The following MVB12B variants were observed in gnomAD, a reference collection of about 807,000 sequenced individuals.
MVB12B encodes the protein multivesicular body subunit 12B.
In MVB12B, 16 loss-of-function variants were observed where a neutral mutation model predicts 41.6. That is an observed-to-expected ratio of 0.38 (90% confidence interval 0.26 to 0.58). MVB12B has a LOEUF of 0.58. Among genes scored for constraint, MVB12B ranks in the 20% least tolerant of loss-of-function variants. The pLI is 0.62. For missense variants in MVB12B, 274 were observed against 380.2 expected (o/e 0.72, Z 2.32); for synonymous variants, 133 against 139.7 (o/e 0.95, Z 0.34).
At position 126,413,849 on chromosome 9, in the gene MVB12B, T is replaced by C. The variant is rs10760431; in HGVS notation, c.663-8005T>C. Among the ~76,000 whole-genome samples the C allele has an allele frequency of 3.4e-3, 510 of 148,594 alleles. 2 individuals carry two copies. Among genetic ancestry groups the C allele is most frequent in the African/African-American group, 0.01 (422 of 40,234 alleles). On this transcript the variant is annotated intron_variant, in intron 6 of 9. Transcript: ENST00000361171. The stretch of plus-strand genomic sequence containing the variant: ...GTGTGTGTGTGTGTGTGTGTGTGTG[T>C]GTGTATAAGGGTTGGGAGATCAAAG...
At position 126,392,422 on chromosome 9, in the gene MVB12B, C is replaced by T. The variant is rs1362196881; in HGVS notation, c.539+227C>T. ...GGGCCTTTCCTCCCCTGCCCTTCTG[C>T]GCATTCAGCCTTGAAGCTCCTCTGG... On this transcript the variant is annotated intron_variant, in intron 5 of 9. Transcript: ENST00000361171. This position sits in a 1 kb window ranked among gnomAD's most constrained non-coding sequence, Gnocchi z 4.8. Among the ~76,000 whole-genome samples, 2 of 152,226 alleles carry T rather than the reference C, an allele frequency of 1.3e-5. No homozygotes were observed. Among genetic ancestry groups the T allele is most frequent in the Admixed American group, 6.5e-5 (1 of 15,282 alleles).
intron 7 of MVB12B, among the ~76,000 whole-genome samples, chr9:126,441,033 C>A (rs1231727946): frequency 6.6e-6 from 1 of 152,230 alleles, no homozygotes; most frequent in African/African-American, 2.4e-5. Flanking sequence ...GCCAACTAGG[C>A]CTCGCTGGCT....
intron 7 of MVB12B, among the ~76,000 whole-genome samples, chr9:126,430,080 C>T (rs937597842): frequency 1.3e-4 from 20 of 152,198 alleles, no homozygotes; most frequent in Non-Finnish European, 2.8e-4. Flanking sequence ...GCTTTGGTGC[C>T]CAGCCCTTAC....
chr9:126,341,758 C>A (rs969449802), intron 2 of MVB12B, among the ~76,000 whole-genome samples: 1 of 152,216 alleles, frequency 6.6e-6, no homozygotes, highest in Admixed American at 6.5e-5. Flanking sequence ...TGTCCCTCCT[C>A]CCCCAGTGGT....
rs111524492 is a variant in MVB12B, at chr9:126,392,621, G to C, written c.539+426G>C. ...AGCTGATGTTCTAAAAGGGACAGAC[G>C]AGCAATAAACAAGAAAATAAATGAG... On this transcript the variant is annotated intron_variant, in intron 5 of 9. Coordinates refer to ENST00000361171, the MANE Select transcript of MVB12B (RefSeq NM_033446.3). The surrounding 1 kb of genome is among the most constrained non-coding windows in gnomAD (Gnocchi z 4.8). 2.0e-4 allele frequency among the ~76,000 whole-genome samples: 30 copies of C among 152,218 alleles called. No individual in the cohort carries two copies. The highest frequency in any genetic ancestry group is 7.2e-4 in the African/African-American group (30 of 41,460).
chr9:126,489,521 G>A (rs965562663), intron 9 of MVB12B, among the ~76,000 whole-genome samples: 1 of 152,240 alleles, frequency 6.6e-6, no homozygotes, highest in Admixed American at 6.5e-5. Flanking sequence ...CAGTGGATGC[G>A]CCATTGAGCA....
intron 2 of MVB12B, among the ~76,000 whole-genome samples, chr9:126,342,753 G>A (rs1201146858): frequency 6.6e-6 from 1 of 152,160 alleles, no homozygotes; most frequent in Admixed American, 6.5e-5. Context: ...CAAGGAAGGC[G>A]GGGAGGGCAT....
intron 7 of MVB12B, among the ~76,000 whole-genome samples, chr9:126,423,271 T>C (rs1292731603): frequency 6.6e-6 from 1 of 152,200 alleles, no homozygotes; most frequent in Non-Finnish European, 1.5e-5. Context: ...CCACAGCGTT[T>C]GGCTACACCC....
At chr9:126,482,718 C>T (rs907554833) in intron 8 of MVB12B, among the ~76,000 whole-genome samples, 4 of 152,236 alleles carry the variant, frequency 2.6e-5, no homozygotes, top group Non-Finnish European at 5.9e-5. Context: ...TCCGTGGCTA[C>T]CGGCAGAGCA....
intron 7 of MVB12B, among the ~76,000 whole-genome samples, chr9:126,433,376 G>A (rs956902122): frequency 1.4e-5 from 2 of 146,012 alleles, no homozygotes; most frequent in African/African-American, 5.6e-5. Context: ...CCTTCATAGT[G>A]GGGGCTGCAC....
intron 2 of MVB12B, among the ~76,000 whole-genome samples, chr9:126,366,060 T>TATTG: frequency 6.6e-6 from 1 of 152,096 alleles, no homozygotes; most frequent in Admixed American, 6.6e-5. Context: ...CATTGTGCTG[T>TATTG]CAATCTCTTC....
chr9:126,438,210 G>A (rs1041323379), intron 7 of MVB12B, among the ~76,000 whole-genome samples: 4 of 152,166 alleles, frequency 2.6e-5, no homozygotes, highest in African/African-American at 9.7e-5. Flanking sequence ...ACATGCTAAG[G>A]GAGGAGCCTT....
At chr9:126,423,619 A>T (rs553177935) in intron 7 of MVB12B, among the ~76,000 whole-genome samples, 1 of 152,208 alleles carries the variant, frequency 6.6e-6, no homozygotes. Flanking sequence ...AGTGGCTGCA[A>T]GCACCAAATT....
rs756508587 is a variant in MVB12B at position 126,395,650 on chromosome 9, G to A, written c.615G>A (p.Thr205=). ...ATCATGACTCATCTCAACCCACAAC[G>A]CCTTCCCAGTCATCAGCTGCCTCCA... ...PRNHDSSQPT[T]PSQSSAASTP... Residue 205 remains threonine (T), a synonymous_variant, in exon 6 of 10, where the codon ACG becomes ACA. Coordinates refer to ENST00000361171, the MANE Select transcript of MVB12B (RefSeq NM_033446.3). The surrounding 1 kb of genome is among the most constrained non-coding windows in gnomAD (Gnocchi z 4.9). 8.7e-6 allele frequency: 14 copies of A among 1,613,964 alleles called. No homozygotes were observed. Among genetic ancestry groups the A allele is most frequent in the Admixed American group, 3.3e-5 (2 of 59,978 alleles).
chr9:126,339,653 T>G (rs1471525457), intron 1 of MVB12B, among the ~76,000 whole-genome samples: 4 of 152,218 alleles, frequency 2.6e-5, no homozygotes, highest in Non-Finnish European at 1.5e-5. Flanking sequence ...TTTGAGTAAG[T>G]GCCCACATGA....
chr9:126,456,374 T>C (rs1832986105), intron 7 of MVB12B, among the ~76,000 whole-genome samples: 1 of 152,238 alleles, frequency 6.6e-6, no homozygotes, highest in Non-Finnish European at 1.5e-5. Flanking sequence ...TTAGAACTAA[T>C]GGTTCTATAA....
chr9:126,346,541 T>G (rs1829593979), intron 2 of MVB12B, among the ~76,000 whole-genome samples: 1 of 152,088 alleles, frequency 6.6e-6, no homozygotes, highest in African/African-American at 2.4e-5. Context: ...TTTGAGCTGC[T>G]TGTATGACAT....
Position 126,386,712 on chromosome 9 carries a change from A to G in MVB12B, c.409+54A>G, listed in dbSNP as rs969139609. On this transcript the variant is annotated intron_variant, in intron 4 of 9. Coordinates refer to ENST00000361171, the MANE Select transcript of MVB12B (RefSeq NM_033446.3). The surrounding 1 kb of genome is among the most constrained non-coding windows in gnomAD (Gnocchi z 4.3). ...CAATGAGCGTTTTCTTCCTCCAGGTATATTTGTAGGTGTTTTTCTATGTGC... is the reference window on the plus strand; with the variant it reads ...CAATGAGCGTTTTCTTCCTCCAGGTGTATTTGTAGGTGTTTTTCTATGTGC... The G allele has an allele frequency of 1.9e-5, 25 of 1,320,216 alleles. No homozygotes were observed. Among genetic ancestry groups the G allele is most frequent in the Non-Finnish European group, 2.6e-5 (24 of 917,700 alleles). The allele number at this position is 1,320,216 out of a possible 1,614,324, so 81.8% of individuals were successfully genotyped here. A position where few individuals can be genotyped will look rare whatever the true frequency, so the allele number is the denominator to read the frequency against.
intron 7 of MVB12B, among the ~76,000 whole-genome samples, chr9:126,477,395 A>G (rs1833443458): frequency 6.6e-6 from 1 of 152,236 alleles, no homozygotes; most frequent in South Asian, 2.1e-4. Context: ...TATTGTTGAT[A>G]TCTAAGTTTT....
Sources: allele counts gnomAD v4.1 joint callset (sites outside exome capture counted in the v4.1 genomes callset), GRCh38; gene constraint gnomAD v4.1.1; non-coding constraint Gnocchi (gnomAD v3.1); transcripts MANE v1.5; gene names NCBI Gene and HGNC (gene_info 2026-07-23, HGNC 2026-07-21).